The following RASGEF1B variants were observed in gnomAD, a reference collection of about 807,000 sequenced individuals.
The protein encoded by RASGEF1B is ras-GEF domain-containing family member 1B.
A neutral mutation model predicts 65.7 loss-of-function variants in RASGEF1B; 30 were observed. The ratio of observed to expected loss-of-function variants is 0.46; its 90% CI spans 0.34 to 0.62. The LOEUF is 0.62. Among genes scored for constraint, RASGEF1B ranks in the 20% least tolerant of loss-of-function variants. RASGEF1B has a pLI of 0.01. For synonymous variants in RASGEF1B, 175 were observed against 194.8 expected, an observed-to-expected ratio of 0.90 and a Z score of 0.85; for missense variants, 495 against 580.1, an observed-to-expected ratio of 0.85 and a Z score of 1.51.
intron 13 of RASGEF1B, among the ~76,000 whole-genome samples, chr4:81,431,473 G>C (rs1721427375): frequency 6.6e-6 from 1 of 151,844 alleles, no homozygotes; most frequent in African/African-American, 2.4e-5. Flanking sequence ...CTCATCACTG[G>C]GAGGTACAAA....
In RASGEF1B at chr4:81,445,481, G is replaced by T. The variant is rs755767726; in HGVS notation, c.928+45C>A. 3 of 1,294,224 alleles carry T rather than the reference G, an allele frequency of 2.3e-6. No homozygotes were observed. In the Admixed American group the frequency reaches 5.2e-5, roughly 22 times the overall value. The allele number at this position is 1,294,224 out of a possible 1,614,324, so 80.2% of individuals were successfully genotyped here. ...CACATTTTCTGTGGGTCATTTTACA[G>T]GATTCGTAAAGATAAACGACATGTA... On this transcript the variant is annotated intron_variant, in intron 8 of 13. Transcript: ENST00000264400.
chr4:81,462,492 A>G (rs1177808068), intron 1 of RASGEF1B, among the ~76,000 whole-genome samples: 1 of 152,208 alleles, frequency 6.6e-6, no homozygotes, highest in East Asian at 1.9e-4. Flanking sequence ...ACAAGCCCAA[A>G]GTTATGCTGC....
At chr4:81,429,839 A>AGCACGCTGGCAGATGG in intron 13 of RASGEF1B, among the ~76,000 whole-genome samples, 1 of 151,902 alleles carries the variant, frequency 6.6e-6, no homozygotes, top group East Asian at 1.9e-4. Flanking sequence ...CACTGAGGGG[A>AGCACGCTGGCAGATGG]GCACGCTGGC....
intron 1 of RASGEF1B, among the ~76,000 whole-genome samples, chr4:81,468,242 T>C (rs577651889): frequency 6.6e-6 from 1 of 152,214 alleles, no homozygotes; most frequent in Non-Finnish European, 1.5e-5. Flanking sequence ...TGAGGATGTT[T>C]ATTAAAAAGT....
intron 10 of RASGEF1B, among the ~76,000 whole-genome samples, chr4:81,440,095 C>A (rs1275262684): frequency 6.6e-6 from 1 of 152,146 alleles, no homozygotes; most frequent in African/African-American, 2.4e-5. Flanking sequence ...GGAATCTAAA[C>A]CGAAAATAAC....
At position 81,432,298 on chromosome 4, in the gene RASGEF1B, C is replaced by T. The variant is rs1488700313; in HGVS notation, c.1397+1G>A. On this transcript the variant is annotated splice_donor_variant, in intron 13 of 13. Coordinates refer to ENST00000264400, the MANE Select transcript of RASGEF1B (RefSeq NM_152545.3). LOFTEE classifies it high-confidence loss of function. ...GCAGCAATGAGAAGAATGAGACCCA[C>T]CTTAAAGACTTCCATCTGTCTTTCT... 6.3e-7 allele frequency: 1 copy of T among 1,597,934 alleles called. No homozygotes were observed. Among genetic ancestry groups the T allele is most frequent in the African/African-American group, 1.3e-5 (1 of 74,558 alleles).
intron 13 of RASGEF1B, among the ~76,000 whole-genome samples, chr4:81,429,400 G>A (rs1560690751): frequency 6.6e-6 from 1 of 152,206 alleles, no homozygotes. Context: ...TCAACCAATT[G>A]ATACGGGAGT....
intron 1 of RASGEF1B, 80 bp downstream of exon 1, chr4:81,471,690 G>A (rs1723033216): frequency 6.6e-6 from 1 of 152,658 alleles, no homozygotes. Flanking sequence ...GGAGAGCGCA[G>A]CGCGCAGTAG....
chr4:81,439,158 C>T (rs1485022976), intron 10 of RASGEF1B, among the ~76,000 whole-genome samples: 1 of 152,124 alleles, frequency 6.6e-6, no homozygotes, highest in Admixed American at 6.5e-5. Flanking sequence ...TGACGAATTG[C>T]CACACTGTCT....
intron 4 of RASGEF1B, chr4:81,453,083 AT>A (rs145310742): frequency 6.6e-6 from 1 of 152,146 alleles, no homozygotes; most frequent in Non-Finnish European, 1.5e-5. Context: ...GAGGGAAATA[AT>A]TTTTCCCTAT....
intron 3 of RASGEF1B, 98 bp downstream of exon 3, chr4:81,457,401 G>A: frequency 1.7e-6 from 2 of 1,194,740 alleles, no homozygotes; most frequent in Non-Finnish European, 2.4e-6. Context: ...ATGCACTTCA[G>A]CCTGGGGATA....
In RASGEF1B at chr4:81,459,371, G is replaced by A; in HGVS notation, c.138C>T (p.Leu46=). The A allele has an allele frequency of 6.2e-7, 1 of 1,612,106 alleles. No homozygotes were observed. The highest frequency in any genetic ancestry group is 1.1e-5 in the South Asian group (1 of 90,614). ...NNLLSGSLEA[L]IQHLVPNVDY... ...CCACATTAGGTACTAAGTGCTGGAT[G>A]AGTGCTTCCAGGGATCCAGAGAGGA... Residue 46 remains leucine, a synonymous_variant, in exon 2 of 14, where the codon CTC becomes CTT. Coordinates refer to ENST00000264400, the MANE Select transcript of RASGEF1B (RefSeq NM_152545.3).
chr4:81,438,568 T>C (rs1721724786), intron 10 of RASGEF1B, among the ~76,000 whole-genome samples: 1 of 152,236 alleles, frequency 6.6e-6, no homozygotes, highest in Non-Finnish European at 1.5e-5. Context: ...ATTTTTTTGT[T>C]TAAATTTTAA....
At chr4:81,467,346 G>A (rs532825287) in intron 1 of RASGEF1B, among the ~76,000 whole-genome samples, 31 of 152,252 alleles carry the variant, frequency 2.0e-4, no homozygotes, top group African/African-American at 7.5e-4. Context: ...GAAAAACAAA[G>A]CTAAGATTTG....
chr4:81,430,169 C>T (rs1721375328), intron 13 of RASGEF1B, among the ~76,000 whole-genome samples: 6 of 152,208 alleles, frequency 3.9e-5, no homozygotes, highest in East Asian at 1.9e-4. Context: ...GGCGTGGTGG[C>T]GGGCGCCTGT....
chr4:81,427,478 T>C lies in RASGEF1B; in HGVS notation c.*290A>G, dbSNP rs2109959953. On this transcript the variant is annotated 3_prime_UTR_variant, in exon 14 of 14. Transcript: ENST00000264400. ...TCCAGGTGCAGAGCTGTGATTCACATGGAAATTCCAGGAGATGAATAATGT... is the reference window on the plus strand; with the variant it reads ...TCCAGGTGCAGAGCTGTGATTCACACGGAAATTCCAGGAGATGAATAATGT... 3 of 389,432 alleles carry C rather than the reference T, an allele frequency of 7.7e-6. No individual in the cohort carries two copies. Among genetic ancestry groups the C allele is most frequent in the South Asian group, 7.7e-5 (1 of 12,924 alleles). 24.1% of individuals were successfully genotyped at this position (389,432 alleles called of 1,614,324 possible).
intron 13 of RASGEF1B, among the ~76,000 whole-genome samples, chr4:81,428,605 T>C (rs1314944755): frequency 6.6e-6 from 1 of 152,240 alleles, no homozygotes; most frequent in African/African-American, 2.4e-5. Flanking sequence ...TTATATTAGG[T>C]ATTATAAGTA....
chr4:81,466,566 T>C (rs374850265), intron 1 of RASGEF1B, among the ~76,000 whole-genome samples: 19 of 151,992 alleles, frequency 1.3e-4, no homozygotes, highest in African/African-American at 3.1e-4. Context: ...GAGACCATCC[T>C]GGCTAACACG....
chr4:81,433,011 G>T (rs985814542), intron 12 of RASGEF1B, among the ~76,000 whole-genome samples: 1 of 149,834 alleles, frequency 6.7e-6, no homozygotes, highest in South Asian at 2.1e-4. Flanking sequence ...CCAATAGTTG[G>T]AGACCAGCCT....
Sources: gnomAD v4.1 joint callset for allele counts (sites outside exome capture counted in the v4.1 genomes callset) on GRCh38, gnomAD v4.1.1 for gene constraint, MANE v1.5 for transcripts, NCBI Gene and HGNC (gene_info 2026-07-23, HGNC 2026-07-21) for gene names.